IL2RA: variants seen among roughly 807,000 people sequenced by gnomAD.
IL2RA encodes the protein interleukin-2 receptor subunit alpha.
IL2RA carries 24 observed loss-of-function variants against 37.8 expected under a neutral mutation model. That is an observed-to-expected ratio of 0.63 (90% CI 0.46 to 0.89). The LOEUF (loss-of-function observed/expected upper bound fraction) is 0.89. Among genes scored for constraint, IL2RA ranks in the 40% least tolerant of loss-of-function variants. IL2RA has a pLI of 0.00. For missense variants in IL2RA, 319 were observed against 348.6 expected (o/e 0.92, Z 0.68); for synonymous variants, 125 against 114.6 (o/e 1.09, Z -0.58).
Position 6,036,609 on chromosome 10 carries a change from T to A in IL2RA, c.65-10584A>T, listed in dbSNP as rs377150215. Among the ~76,000 whole-genome samples, 1 of 152,212 alleles carries A rather than the reference T, an allele frequency of 6.6e-6. No homozygotes were observed. The highest frequency in any genetic ancestry group is 1.5e-5 in the Non-Finnish European group (1 of 68,026). On this transcript the variant is annotated intron_variant, in intron 1 of 7. Transcript: ENST00000379959. The surrounding 1 kb of genome is among the most constrained non-coding windows in gnomAD (Gnocchi z 6.1). ...CCTGACGTGGAATTATGAGCCCTCT[T>A]TCTTCGATTTTGCCACATACCCGCA...
intron 1 of IL2RA, among the ~76,000 whole-genome samples, chr10:6,055,730 G>A (rs1476352123): frequency 5.5e-4 from 18 of 32,558 alleles, no homozygotes; most frequent in African/African-American, 9.3e-4. Flanking sequence ...ACACCTCCCA[G>A]ACGGGGTGGT....
Position 6,029,587 on chromosome 10 carries a change from G to A in IL2RA, c.65-3562C>T, listed in dbSNP as rs1039521225. Among the ~76,000 whole-genome samples the A allele has an allele frequency of 9.2e-5, 14 of 152,106 alleles. No homozygotes were observed. Among genetic ancestry groups the A allele is most frequent in the African/African-American group, 2.9e-4 (12 of 41,410 alleles). On this transcript the variant is annotated intron_variant, in intron 1 of 7. Transcript: ENST00000379959. This position sits in a 1 kb window ranked among gnomAD's most constrained non-coding sequence, Gnocchi z 4.6. Reference sequence around the variant, plus strand: ...TAGTTGCAGTGGAGTAACATCGCCAGGTAGCCTAAAATATTTACTCTCTGG... The same window carrying A: ...TAGTTGCAGTGGAGTAACATCGCCAAGTAGCCTAAAATATTTACTCTCTGG...
intron 1 of IL2RA, among the ~76,000 whole-genome samples, chr10:6,043,625 A>G (rs1476409863): frequency 1.3e-5 from 2 of 152,076 alleles, no homozygotes; most frequent in Non-Finnish European, 2.9e-5. Context: ...TTTAGTAGAA[A>G]TGGGGTTTCA....
Position 6,012,836 on chromosome 10 carries a change from G to A in IL2RA, c.*36C>T, listed in dbSNP as rs372312640. 144 of 1,607,990 alleles carry A rather than the reference G, an allele frequency of 9.0e-5. No individual in the cohort carries two copies. Among genetic ancestry groups the A allele is most frequent in the Middle Eastern group, 1.7e-4 (1 of 6,052 alleles). ...TTCATGACTTCTGTTGTCTGTTCCCGGCTTCTTACCAAGAAATTCTTGTTC... is the reference window on the plus strand; with the variant it reads ...TTCATGACTTCTGTTGTCTGTTCCCAGCTTCTTACCAAGAAATTCTTGTTC... On this transcript the variant is annotated 3_prime_UTR_variant, in exon 8 of 8. Coordinates refer to ENST00000379959, the MANE Select transcript of IL2RA (RefSeq NM_000417.3). The surrounding 1 kb of genome is among the most constrained non-coding windows in gnomAD (Gnocchi z 4.8).
chr10:6,058,432 T>C lies in IL2RA; in HGVS notation c.64+3656A>G, dbSNP rs1219840255. 6.6e-6 allele frequency among the ~76,000 whole-genome samples: 1 copy of C among 152,208 alleles called. No individual in the cohort carries two copies. The highest frequency in any genetic ancestry group is 2.4e-5 in the African/African-American group (1 of 41,454). On this transcript the variant is annotated intron_variant, in intron 1 of 7. Transcript: ENST00000379959. This position sits in a 1 kb window ranked among gnomAD's most constrained non-coding sequence, Gnocchi z 4.2. ...GTTTTAAGGAAAGTAGCAACTGTCTTATGAAGAGCTCCCAATGTTTAGGAA... is the reference window on the plus strand; with the variant it reads ...GTTTTAAGGAAAGTAGCAACTGTCTCATGAAGAGCTCCCAATGTTTAGGAA...
At chr10:6,042,333 A>G (rs1336573551) in intron 1 of IL2RA, among the ~76,000 whole-genome samples, 1 of 151,936 alleles carries the variant, frequency 6.6e-6, no homozygotes, top group South Asian at 2.1e-4. Context: ...TCCATTATTG[A>G]TTAAAAGAAA....
Position 6,036,826 on chromosome 10 carries a change from AT to A in IL2RA, c.65-10802del, listed in dbSNP as rs12722657. Among the ~76,000 whole-genome samples, 6,083 of 152,256 alleles carry A rather than the reference AT, an allele frequency of 0.04. 390 individuals are homozygous for A. Among genetic ancestry groups the A allele is most frequent in the African/African-American group, 0.14 (5,751 of 41,512 alleles). ...CGGACACCACTGCTGAAGAAGAAGGATATCCCGGTTGGCTGCTCTAGAGCCG... is the reference window on the plus strand; with the variant it reads ...CGGACACCACTGCTGAAGAAGAAGGAATCCCGGTTGGCTGCTCTAGAGCCG... On this transcript the variant is annotated intron_variant, in intron 1 of 7. Transcript: ENST00000379959. The surrounding 1 kb of genome is among the most constrained non-coding windows in gnomAD (Gnocchi z 6.1).
intron 1 of IL2RA, among the ~76,000 whole-genome samples, chr10:6,060,151 C>T (rs941646629): frequency 1.1e-4 from 16 of 152,142 alleles, no homozygotes; most frequent in Non-Finnish European, 1.5e-4. Flanking sequence ...CTGTTCTTGG[C>T]TTAGACTGAG....
At chr10:6,055,957 G>A (rs1205856508) in intron 1 of IL2RA, among the ~76,000 whole-genome samples, 7 of 152,196 alleles carry the variant, frequency 4.6e-5, no homozygotes, top group Admixed American at 3.9e-4. Flanking sequence ...TACAGCTGGC[G>A]TTTTGAACCA....
rs199509416 is a variant in IL2RA, at chr10:6,027,325, C to CA, written c.65-1301dup. On this transcript the variant is annotated intron_variant, in intron 1 of 7. Coordinates refer to ENST00000379959, the MANE Select transcript of IL2RA (RefSeq NM_000417.3). ...TGGGAAACCCAGCAAGACTCTGTCT[C>CA]AAAAAAAAAAACGAAGATAGGGAGA... is the stretch of plus-strand genomic sequence containing the variant. 4.4e-3 allele frequency among the ~76,000 whole-genome samples: 604 copies of CA among 138,794 alleles called. 2 individuals carry two copies. The highest frequency in any genetic ancestry group is 0.019 in the East Asian group (87 of 4,492). 91.1% of individuals were successfully genotyped at this position (138,794 alleles called of 152,430 possible).
chr10:6,043,980 C>T (rs1839811230), intron 1 of IL2RA, among the ~76,000 whole-genome samples: 1 of 152,208 alleles, frequency 6.6e-6, no homozygotes, highest in Admixed American at 6.5e-5. Context: ...GGGCCTTTTC[C>T]TTCTGTCTGT....
At position 6,021,439 on chromosome 10, in the gene IL2RA, C is replaced by G. The variant is rs372762757; in HGVS notation, c.583+39G>C. 3 of 1,559,832 alleles carry G rather than the reference C, an allele frequency of 1.9e-6. No homozygotes were observed. The African/African-American group carries it at 4.1e-5, about 21-fold the overall frequency. ...TTCCACTCTGGTCAGCCTGATGGAG[C>G]AAAGCAACATTGTGGACCCCAGAAG... On this transcript the variant is annotated intron_variant, in intron 4 of 7. Coordinates refer to ENST00000379959, the MANE Select transcript of IL2RA (RefSeq NM_000417.3). The surrounding 1 kb of genome is among the most constrained non-coding windows in gnomAD (Gnocchi z 4.9).
rs1257261712 is a variant in IL2RA, at chr10:6,046,903, C to T, written c.64+15185G>A. ...GCTGAATTCCAAGGTGGCCACGTTT[C>T]CTAAGGACATGGGAACTTAAGATGC... On this transcript the variant is annotated intron_variant, in intron 1 of 7. Transcript: ENST00000379959. This position sits in a 1 kb window ranked among gnomAD's most constrained non-coding sequence, Gnocchi z 4.8. Among the ~76,000 whole-genome samples the T allele has an allele frequency of 6.6e-6, 1 of 152,336 alleles. No individual in the cohort carries two copies. Among genetic ancestry groups the T allele is most frequent in the Middle Eastern group, 3.4e-3 (1 of 294 alleles).
rs1214681299 is a variant in IL2RA, at chr10:6,022,838, C to T, written c.368-1145G>A. On this transcript the variant is annotated intron_variant, in intron 3 of 7. Transcript: ENST00000379959. The surrounding 1 kb of genome is among the most constrained non-coding windows in gnomAD (Gnocchi z 4.7). ...GAGAAAGGACAACAAGCATTGGCCT[C>T]TTTGAAGCCTTCCAATAACTGTGCA... 2.3e-5 allele frequency among the ~76,000 whole-genome samples: 2 copies of T among 87,642 alleles called. No homozygotes were observed. The highest frequency in any genetic ancestry group is 3.1e-5 in the Non-Finnish European group (1 of 31,860). The allele number at this position is 87,642 out of a possible 152,430, so 57.5% of individuals were successfully genotyped here.
At chr10:6,026,148 T>C in intron 1 of IL2RA, 123 bp from the exon 2 acceptor site, 1 of 1,048,322 alleles carries the variant, frequency 9.5e-7, no homozygotes. Context: ...ATGCCCTACT[T>C]TTTGTGAGAA....
chr10:6,026,111 A>G (rs1839479917), intron 1 of IL2RA, 86 bp from the exon 2 acceptor site: 1 of 1,347,982 alleles, frequency 7.4e-7, no homozygotes, highest in Admixed American at 1.8e-5. Context: ...TTAATCACAT[A>G]TTTCTTCACT....
chr10:6,012,788 A>G lies in IL2RA; in HGVS notation c.*84T>C. 1 of 1,402,976 alleles carries G rather than the reference A, an allele frequency of 7.1e-7. No individual in the cohort carries two copies. The highest frequency in any genetic ancestry group is 2.3e-5 in the East Asian group (1 of 43,896). The allele number at this position is 1,402,976 out of a possible 1,614,324, so 86.9% of individuals were successfully genotyped here. A position where few individuals can be genotyped will look rare whatever the true frequency, so the allele number is the denominator to read the frequency against. ...ACGGATGTCTCCTGGGCGACCATTT[A>G]GCACCTTTGATTTCACTTGGGCTTC... is the stretch of plus-strand genomic sequence containing the variant. On this transcript the variant is annotated 3_prime_UTR_variant, in exon 8 of 8. Coordinates refer to ENST00000379959, the MANE Select transcript of IL2RA (RefSeq NM_000417.3). The surrounding 1 kb of genome is among the most constrained non-coding windows in gnomAD (Gnocchi z 4.8).
chr10:6,061,094 A>T (rs1840114936), intron 1 of IL2RA, among the ~76,000 whole-genome samples: 2 of 151,570 alleles, frequency 1.3e-5, no homozygotes, highest in South Asian at 4.2e-4. Context: ...TTATTTCTTT[A>T]AAAAAAAATA....
intron 1 of IL2RA, among the ~76,000 whole-genome samples, chr10:6,041,901 C>T (rs1839777360): frequency 6.6e-6 from 1 of 151,884 alleles, no homozygotes; most frequent in Non-Finnish European, 1.5e-5. Context: ...AAACACTCAA[C>T]AATACATATT....
Sources: allele counts gnomAD v4.1 joint callset (sites outside exome capture counted in the v4.1 genomes callset), GRCh38; gene constraint gnomAD v4.1.1; non-coding constraint Gnocchi (gnomAD v3.1); transcripts MANE v1.5; gene names NCBI Gene and HGNC (gene_info 2026-07-23, HGNC 2026-07-21).